TMPRSS9: variants seen among roughly 807,000 people sequenced by gnomAD.
The protein encoded by TMPRSS9 is transmembrane protease serine 9.
In TMPRSS9, 113 loss-of-function variants were observed where a neutral mutation model predicts 111.4. That is an observed-to-expected ratio of 1.01 (90% confidence interval 0.87 to 1.19). The LOEUF (loss-of-function observed/expected upper bound fraction) is 1.19. Ranked by LOEUF, TMPRSS9 falls within the 50% of genes most tolerant of loss-of-function variation. The pLI, the probability that TMPRSS9 is intolerant of heterozygous loss-of-function variation, is 0.00. For missense variants in TMPRSS9, 1,803 were observed against 1,513.1 expected, an observed-to-expected ratio of 1.19 and a Z score of -3.18; for synonymous variants, 805 against 659.1, an observed-to-expected ratio of 1.22 and a Z score of -3.39.
Position 2,396,524 on chromosome 19 carries a change from T to C in TMPRSS9, c.143-15T>C, listed in dbSNP as rs746047915. On this transcript the variant is annotated splice_polypyrimidine_tract_variant and intron_variant, in intron 1 of 17. Coordinates refer to ENST00000648592, the Ensembl canonical transcript of TMPRSS9. ...CAAAGGTGGGCTCTCTCACGGGCCC[T>C]GGTCTCGTCCCCAGCCTTCCTCTCT... 3.1e-6 allele frequency: 5 copies of C among 1,588,846 alleles called. No homozygotes were observed. The highest frequency in any genetic ancestry group is 3.4e-6 in the Non-Finnish European group (4 of 1,165,498).
chr19:2,417,953 G>A (rs776775241), intron 12 of TMPRSS9, 49 bp from the exon 14 acceptor site: 2 of 1,608,476 alleles, frequency 1.2e-6, no homozygotes. Flanking sequence ...AACTGGAGCT[G>A]CTCTGATGAT....
chr19:2,368,775 T>TTTTTTTTTG (rs1568465393), intron 1 of TMPRSS9, among the ~76,000 whole-genome samples: 1 of 69,270 alleles, frequency 1.4e-5, no homozygotes, highest in Non-Finnish European at 2.6e-5. Flanking sequence ...ATAAACCCAG[T>TTTTTTTTTG]TTTTTTTTTT....
chr19:2,395,366 G>A lies in TMPRSS9; in HGVS notation c.143-1173G>A, dbSNP rs570337164. Among the ~76,000 whole-genome samples, 48 of 152,244 alleles carry A rather than the reference G, an allele frequency of 3.2e-4. 1 individual carries two copies. The highest frequency in any genetic ancestry group is 3.3e-4 in the Admixed American group (5 of 15,280). On this transcript the variant is annotated intron_variant, in intron 1 of 17. Coordinates refer to ENST00000648592, the Ensembl canonical transcript of TMPRSS9. Reference sequence around the variant, plus strand: ...GAGGATCGCTTGAACCCGGGAGATGGAGGTTGCAGCGAGCTGAGAAAACAC... The same window carrying A: ...GAGGATCGCTTGAACCCGGGAGATGAAGGTTGCAGCGAGCTGAGAAAACAC...
At chr19:2,407,395 C>T (rs897458720) in intron 7 of TMPRSS9, among the ~76,000 whole-genome samples, 6 of 151,556 alleles carry the variant, frequency 4.0e-5, no homozygotes, top group East Asian at 2.0e-4. Flanking sequence ...GCATAGGGGG[C>T]GCAAACCTGT....
At chr19:2,408,813 A>G in intron 8 of TMPRSS9, among the ~76,000 whole-genome samples, 183 bp downstream of exon 9, 1 of 129,470 alleles carries the variant, frequency 7.7e-6, no homozygotes, top group South Asian at 2.4e-4. Flanking sequence ...CGTCTCTACT[A>G]AAAAATACAC....
At chr19:2,370,372 G>C (rs1279275319) in intron 1 of TMPRSS9, among the ~76,000 whole-genome samples, 1 of 138,368 alleles carries the variant, frequency 7.2e-6, no homozygotes, top group African/African-American at 2.7e-5. Context: ...AGTGAGCCAA[G>C]ATCACGCCAC....
intron 14 of TMPRSS9, among the ~76,000 whole-genome samples, 160 bp from the exon 16 acceptor site, chr19:2,423,929 G>A (rs1243828416): frequency 2.0e-5 from 3 of 152,180 alleles, no homozygotes; most frequent in Non-Finnish European, 4.4e-5. Flanking sequence ...CAAGCAGCAG[G>A]CCCAGTGTCC....
chr19:2,389,702 G>T, upstream of TMPRSS9: 1 of 1,493,132 alleles, frequency 6.7e-7, no homozygotes, highest in Non-Finnish European at 9.0e-7. Flanking sequence ...CTTGCTTATG[G>T]GAAGAGAAGC....
chr19:2,420,075 A>C (rs1042571003), intron 13 of TMPRSS9, among the ~76,000 whole-genome samples: 5 of 152,100 alleles, frequency 3.3e-5, no homozygotes, highest in South Asian at 4.2e-4. Flanking sequence ...AACTGGGAGG[A>C]TCTCTTGAGG....
chr19:2,371,904 C>G (rs1009652466), intron 1 of TMPRSS9, among the ~76,000 whole-genome samples: 2 of 152,128 alleles, frequency 1.3e-5, no homozygotes, highest in Admixed American at 6.6e-5. Flanking sequence ...GGGCTGGAGG[C>G]TGGTCGAGCC....
chr19:2,410,470 A>T, intron 9 of TMPRSS9, 76 bp downstream of exon 10: 1 of 1,556,428 alleles, frequency 6.4e-7, no homozygotes, highest in Non-Finnish European at 8.7e-7. Flanking sequence ...AGCAATTCAC[A>T]GATATCTGGA....
At chr19:2,379,313 G>A (rs1287691893) in intron 1 of TMPRSS9, among the ~76,000 whole-genome samples, 10 of 150,932 alleles carry the variant, frequency 6.6e-5, no homozygotes, top group Admixed American at 6.0e-4. Flanking sequence ...AGCCTCCCGA[G>A]TAGCTGGGAC....
intron 1 of TMPRSS9, among the ~76,000 whole-genome samples, chr19:2,379,677 C>CTTTCTTTCTTTCTT (rs1240073481): frequency 7.0e-4 from 92 of 131,836 alleles, no homozygotes; most frequent in African/African-American, 2.6e-3. Context: ...TTCTTTCTTT[C>CTTTCTTTCTTTCTT]TCTTTTTCTT....
intron 1 of TMPRSS9, among the ~76,000 whole-genome samples, chr19:2,383,119 C>T (rs971068650): frequency 4.6e-5 from 7 of 152,012 alleles, no homozygotes; most frequent in Admixed American, 3.3e-4. Flanking sequence ...TTTGGGAGGC[C>T]GAGGCAGGTG....
chr19:2,424,034 C>G, intron 14 of TMPRSS9, 55 bp from the exon 16 acceptor site: 1 of 1,246,544 alleles, frequency 8.0e-7, no homozygotes, highest in Non-Finnish European at 1.0e-6. Flanking sequence ...CCAGGGGGGC[C>G]TTCGTGGAGG....
upstream of TMPRSS9, among the ~76,000 whole-genome samples, chr19:2,389,617 C>T (rs1970543706): frequency 6.6e-6 from 1 of 152,172 alleles, no homozygotes. Flanking sequence ...GTCCTCCTGC[C>T]TCAGCCTCCC....
chr19:2,389,401 G>A (rs1185424427), upstream of TMPRSS9, among the ~76,000 whole-genome samples: 6 of 96,536 alleles, frequency 6.2e-5, no homozygotes, highest in African/African-American at 1.7e-4. Context: ...TTGGAGTCTC[G>A]CTCTGTCACC....
intron 1 of TMPRSS9, among the ~76,000 whole-genome samples, chr19:2,390,965 G>C (rs1448087543): frequency 6.7e-6 from 1 of 149,926 alleles, no homozygotes; most frequent in East Asian, 2.0e-4. Flanking sequence ...TCAGGAGTTC[G>C]AGACCACCCT....
chr19:2,413,879 C>A (rs1433670594), exon 10 of TMPRSS9: 1 of 1,613,594 alleles, frequency 6.2e-7, no homozygotes, highest in Non-Finnish European at 8.5e-7. Context: ...CTCTGGCCCC[C>A]ACCATGGCTC....
Sources: gnomAD v4.1 joint callset for allele counts (sites outside exome capture counted in the v4.1 genomes callset) on GRCh38, gnomAD v4.1.1 for gene constraint, MANE v1.5 for transcripts, NCBI Gene and HGNC (gene_info 2026-07-23, HGNC 2026-07-21) for gene names.